The following TPTE2 variants were observed in gnomAD, a reference collection of about 807,000 sequenced individuals.
The protein encoded by TPTE2 is phosphatidylinositol 3,4,5-trisphosphate 3-phosphatase TPTE2.
In TPTE2, 53 loss-of-function variants were observed where a neutral mutation model predicts 78.6. That is an observed-to-expected ratio of 0.67 (90% CI 0.54 to 0.85). The LOEUF (loss-of-function observed/expected upper bound fraction) is 0.85, where lower values mean the gene tolerates loss of function less well. TPTE2 is among the 40% of genes least tolerant of loss of function. TPTE2 has a pLI of 0.00. For missense variants in TPTE2, 461 were observed against 623.0 expected (o/e 0.74, Z 2.77); for synonymous variants, 175 against 206.2 (o/e 0.85, Z 1.30).
In TPTE2 at chr13:19,451,843, G is replaced by GTGTGTGTA. The variant is rs1555249617; in HGVS notation, c.742-619_742-618insTACACACA. 9.9e-4 allele frequency among the ~76,000 whole-genome samples: 146 copies of GTGTGTGTA among 147,132 alleles called. 1 individual carries two copies. In the East Asian group the frequency reaches 0.022, roughly 22 times the overall value. ...TGTGTGTGTGTGTGTGTGTGTGTGT[G>GTGTGTGTA]TATATATGTATAACCTTTAAAATGA... On this transcript the variant is annotated intron_variant, in intron 10 of 19. Transcript: ENST00000400230.
chr13:19,455,814 A>T (rs1191080660), intron 10 of TPTE2, among the ~76,000 whole-genome samples: 1 of 152,234 alleles, frequency 6.6e-6, no homozygotes, highest in Non-Finnish European at 1.5e-5. Flanking sequence ...TGATAGATGC[A>T]GAAAAAATAT....
chr13:19,514,038 G>A (rs921486689), intron 1 of TPTE2, among the ~76,000 whole-genome samples: 2 of 152,004 alleles, frequency 1.3e-5, no homozygotes, highest in African/African-American at 2.4e-5. Flanking sequence ...ACAGATACAG[G>A]GTCTCTTAGC....
the TPTE2 span, chr13:19,560,450 G>A: frequency 1.2e-6 from 2 of 1,607,780 alleles, no homozygotes; most frequent in Non-Finnish European, 1.7e-6. Flanking sequence ...TCCTGCAGTG[G>A]CAGTGAGCGC....
At chr13:19,468,224 A>T (rs556502187) in intron 6 of TPTE2, among the ~76,000 whole-genome samples, 1 of 151,446 alleles carries the variant, frequency 6.6e-6, no homozygotes, top group South Asian at 2.1e-4. Flanking sequence ...TATTTTTAGT[A>T]GAGATGGGGT....
intron 10 of TPTE2, among the ~76,000 whole-genome samples, chr13:19,458,020 T>C (rs1878653654): frequency 6.6e-6 from 1 of 152,188 alleles, no homozygotes; most frequent in Admixed American, 6.5e-5. Context: ...TATTTAAATA[T>C]ATTCACATAA....
chr13:19,481,231 A>G (rs1221154283), intron 4 of TPTE2, among the ~76,000 whole-genome samples: 1 of 152,194 alleles, frequency 6.6e-6, no homozygotes, highest in Non-Finnish European at 1.5e-5. Context: ...GAACTCTTAC[A>G]TTATTTTCAG....
chr13:19,493,826 C>T (rs983675531), intron 1 of TPTE2, among the ~76,000 whole-genome samples: 4 of 152,174 alleles, frequency 2.6e-5, no homozygotes, highest in African/African-American at 9.7e-5. Flanking sequence ...AGGCAGCCCT[C>T]TTATTCCATT....
chr13:19,479,692 G>A lies in TPTE2; in HGVS notation c.179+2796C>T, dbSNP rs1179835569. On this transcript the variant is annotated intron_variant, in intron 4 of 19. Coordinates refer to ENST00000400230, the Ensembl canonical transcript of TPTE2. ...AAATAAAGAGATAGAGGCCAGGCGC[G>A]GTGGCTCACGCCTGTAATCCCAGCA... Among the ~76,000 whole-genome samples the A allele has an allele frequency of 3.9e-5, 6 of 152,076 alleles. No homozygotes were observed. The South Asian group carries it at 1.0e-3, about 26-fold the overall frequency.
At chr13:19,503,992 G>T (rs1014937853), upstream of TPTE2, among the ~76,000 whole-genome samples, 1 of 150,952 alleles carries the variant, frequency 6.6e-6, no homozygotes, top group Admixed American at 6.6e-5. Flanking sequence ...CACCCGCCTC[G>T]GCCTCCCAAA....
At chr13:19,469,006 G>A (rs995635728) in intron 6 of TPTE2, among the ~76,000 whole-genome samples, 16 of 152,096 alleles carry the variant, frequency 1.1e-4, no homozygotes, top group African/African-American at 3.4e-4. Flanking sequence ...CTTCTGCTAC[G>A]AAGCAGTTTT....
chr13:19,473,121 T>C lies in TPTE2; in HGVS notation c.392+793A>G, dbSNP rs375298415. ...GGGTTGAGTGACACAAGCACCCCTG[T>C]GGCCACCAATACTGTGACTGCATTG... On this transcript the variant is annotated intron_variant, in intron 6 of 19. Transcript: ENST00000400230. 1.9e-3 allele frequency among the ~76,000 whole-genome samples: 289 copies of C among 152,350 alleles called. 10 individuals carry two copies. In the South Asian group the frequency reaches 0.046, roughly 24 times the overall value.
At chr13:19,443,981 CTA>C (rs1877663903) in intron 13 of TPTE2, among the ~76,000 whole-genome samples, 1 of 151,844 alleles carries the variant, frequency 6.6e-6, no homozygotes, top group Non-Finnish European at 1.5e-5. Flanking sequence ...CCAAAAGAAT[CTA>C]TAGATAAATT....
chr13:19,443,650 C>G (rs190400226), intron 13 of TPTE2, among the ~76,000 whole-genome samples: 3 of 151,776 alleles, frequency 2.0e-5, no homozygotes, highest in Admixed American at 6.6e-5. Context: ...GTGATCTGAC[C>G]CCACTGGGCC....
chr13:19,558,718 A>T, the TPTE2 span, among the ~76,000 whole-genome samples: 2 of 152,366 alleles, frequency 1.3e-5, no homozygotes, highest in South Asian at 2.1e-4. Context: ...TTTAGGGAGC[A>T]GGATAAGATT....
chr13:19,474,107 A>G lies in TPTE2; in HGVS notation c.231-32T>C, dbSNP rs535176323. The G allele has an allele frequency of 1.3e-4, 152 of 1,185,132 alleles. 1 individual carries two copies. Among genetic ancestry groups the G allele is most frequent in the South Asian group, 1.9e-4 (11 of 57,064 alleles). The allele number at this position is 1,185,132 out of a possible 1,614,324, so 73.4% of individuals were successfully genotyped here. On this transcript the variant is annotated intron_variant, in intron 5 of 19. Transcript: ENST00000400230. ...TAAATAAATAAATAAATAAATAAAT[A>G]AATAAATAAATAAATGCAAAGATAA...
chr13:19,492,983 T>C, intron 2 of TPTE2, 80 bp from the exon 6 acceptor site: 1 of 1,572,542 alleles, frequency 6.4e-7, no homozygotes, highest in Non-Finnish European at 8.7e-7. Context: ...CTTTTATTAC[T>C]CTAGACAGAA....
At chr13:19,423,686 A>T (rs1875776695) in intron 19 of TPTE2, among the ~76,000 whole-genome samples, 1 of 152,202 alleles carries the variant, frequency 6.6e-6, no homozygotes, top group African/African-American at 2.4e-5. Flanking sequence ...ATTTTTGGCT[A>T]AACAACAATC....
chr13:19,449,847 T>TC (rs1878063847), intron 13 of TPTE2, among the ~76,000 whole-genome samples: 1 of 152,096 alleles, frequency 6.6e-6, no homozygotes, highest in South Asian at 2.1e-4. Flanking sequence ...TGCTCAACCT[T>TC]CCTTAGTTCT....
intron 13 of TPTE2, among the ~76,000 whole-genome samples, chr13:19,439,339 G>C (rs948872189): frequency 2.0e-5 from 3 of 151,892 alleles, no homozygotes; most frequent in African/African-American, 7.3e-5. Flanking sequence ...GAAGTGCATA[G>C]GGCTGCAGAA....
Sources: allele counts gnomAD v4.1 joint callset (sites outside exome capture counted in the v4.1 genomes callset), GRCh38; gene constraint gnomAD v4.1.1; transcripts MANE v1.5; gene names NCBI Gene and HGNC (gene_info 2026-07-23, HGNC 2026-07-21).